TRMT11: variants seen among roughly 807,000 people sequenced by gnomAD.
TRMT11 encodes the protein tRNA (guanine(10)-N(2))-methyltransferase TRMT11.
In TRMT11, 53 loss-of-function variants were observed where a neutral mutation model predicts 62.8. The ratio of observed to expected loss-of-function variants is 0.84; its 90% CI spans 0.68 to 1.06. The LOEUF is 1.06. TRMT11 is among the 50% of genes least tolerant of loss of function. The probability of loss-of-function intolerance (pLI) is 0.00; values close to 1 mark genes in which losing one functional copy is unlikely to be tolerated. For missense variants in TRMT11, 556 were observed against 553.4 expected, an observed-to-expected ratio of 1.00 and a Z score of -0.05; for synonymous variants, 188 against 190.3, an observed-to-expected ratio of 0.99 and a Z score of 0.10.
chr6:126,019,451 G>A (rs116698033), intron 11 of TRMT11, among the ~76,000 whole-genome samples: 71 of 151,970 alleles, frequency 4.7e-4, no homozygotes, highest in African/African-American at 1.6e-3. Flanking sequence ...TTGCTTTTTG[G>A]GTTTTATAGT....
At chr6:126,186,298 T>A (rs1303520474) in intron 1 of TRMT11, among the ~76,000 whole-genome samples, 1 of 152,208 alleles carries the variant, frequency 6.6e-6, no homozygotes, top group Non-Finnish European at 1.5e-5. Flanking sequence ...TTTGTTTGAT[T>A]TTATCTAAAT....
intron 1 of TRMT11, among the ~76,000 whole-genome samples, chr6:126,185,301 C>T (rs1204243744): frequency 6.6e-6 from 1 of 152,154 alleles, no homozygotes; most frequent in African/African-American, 2.4e-5. Flanking sequence ...CAGTCTTCTC[C>T]AGGAAGCCAT....
chr6:126,105,774 G>GCACAACC (rs1361951861), intron 17 of TRMT11, among the ~76,000 whole-genome samples: 1 of 152,116 alleles, frequency 6.6e-6, no homozygotes, highest in Non-Finnish European at 1.5e-5. Context: ...TAAGGGGAAA[G>GCACAACC]CACAACCATG....
the TRMT11 span, chr6:126,257,871 C>T: frequency 2.9e-5 from 38 of 1,314,018 alleles, no homozygotes; most frequent in South Asian, 4.7e-5. Flanking sequence ...GCTATGAGGT[C>T]GGGGGGACAG....
chr6:126,208,755 C>T (rs1778812929), downstream of TRMT11, among the ~76,000 whole-genome samples: 1 of 152,214 alleles, frequency 6.6e-6, no homozygotes, highest in Non-Finnish European at 1.5e-5. Flanking sequence ...TTCTCAATCA[C>T]ATAGTTGTTG....
chr6:126,163,757 G>A (rs904018993), intron 21 of TRMT11, among the ~76,000 whole-genome samples: 15 of 151,294 alleles, frequency 9.9e-5, no homozygotes, highest in Non-Finnish European at 2.2e-4. Flanking sequence ...TCACTTCTAT[G>A]CATAGAGGTG....
chr6:126,158,569 G>A (rs575749275), intron 21 of TRMT11, among the ~76,000 whole-genome samples: 1 of 152,194 alleles, frequency 6.6e-6, no homozygotes, highest in South Asian at 2.1e-4. Context: ...TCATGCTCTG[G>A]ATCCTTATGG....
the TRMT11 span, among the ~76,000 whole-genome samples, chr6:126,242,632 C>T: frequency 3.6e-4 from 55 of 152,174 alleles, no homozygotes; most frequent in Admixed American, 3.6e-3. Flanking sequence ...TAATGCCACA[C>T]ATCTACAACT....
At chr6:126,018,966 C>CTCT (rs1278147948) in intron 11 of TRMT11, among the ~76,000 whole-genome samples, 23 of 152,114 alleles carry the variant, frequency 1.5e-4, no homozygotes, top group African/African-American at 5.6e-4. Flanking sequence ...CTACAACCTC[C>CTCT]ACCTCCCAGG....
chr6:126,135,884 T>A (rs1777844047), intron 21 of TRMT11, among the ~76,000 whole-genome samples: 1 of 151,696 alleles, frequency 6.6e-6, no homozygotes, highest in Admixed American at 6.6e-5. Context: ...AAGGACAAAA[T>A]CCATGTGATA....
At chr6:126,148,120 T>G (rs963658622) in intron 21 of TRMT11, among the ~76,000 whole-genome samples, 2 of 152,130 alleles carry the variant, frequency 1.3e-5, no homozygotes, top group Non-Finnish European at 2.9e-5. Context: ...AAATAATATT[T>G]AGCTATTTGT....
chr6:126,223,376 G>A, the TRMT11 span, among the ~76,000 whole-genome samples: 18 of 152,138 alleles, frequency 1.2e-4, no homozygotes, highest in East Asian at 3.9e-4. Flanking sequence ...AGCCAAGATC[G>A]CGTCACTGCA....
intron 11 of TRMT11, among the ~76,000 whole-genome samples, chr6:126,018,325 CA>C (rs1238178100): frequency 6.6e-6 from 1 of 152,050 alleles, no homozygotes; most frequent in African/African-American, 2.4e-5. Flanking sequence ...AGTAAATGTT[CA>C]ATCAATGCAA....
At chr6:126,009,719 A>G (rs1357289077) in intron 8 of TRMT11, among the ~76,000 whole-genome samples, 1 of 152,122 alleles carries the variant, frequency 6.6e-6, no homozygotes, top group Non-Finnish European at 1.5e-5. Flanking sequence ...ATGGGCTAGC[A>G]AGAAAAAGAT....
intron 11 of TRMT11, among the ~76,000 whole-genome samples, chr6:126,020,778 A>G (rs1267148745): frequency 6.6e-6 from 1 of 152,238 alleles, no homozygotes; most frequent in Non-Finnish European, 1.5e-5. Flanking sequence ...TCGGGAATTT[A>G]TAAAAATCTA....
At chr6:126,139,717 ATG>A (rs1777893758) in intron 21 of TRMT11, among the ~76,000 whole-genome samples, 1 of 151,824 alleles carries the variant, frequency 6.6e-6, no homozygotes, top group African/African-American at 2.4e-5. Flanking sequence ...GTTTTTTTTG[ATG>A]TGTGTGTTTT....
chr6:126,264,503 G>A, the TRMT11 span, among the ~76,000 whole-genome samples: 1 of 152,258 alleles, frequency 6.6e-6, no homozygotes, highest in East Asian at 1.9e-4. Context: ...TTAGTGTGAT[G>A]GCTAATTTTA....
At chr6:126,023,025 G>A (rs541146985) in intron 12 of TRMT11, among the ~76,000 whole-genome samples, 1 of 152,080 alleles carries the variant, frequency 6.6e-6, no homozygotes, top group Non-Finnish European at 1.5e-5. Flanking sequence ...TTATTAATCA[G>A]TTATTTTGTT....
chr6:126,086,778 CTT>C (rs1777221812), intron 17 of TRMT11, among the ~76,000 whole-genome samples: 1 of 152,066 alleles, frequency 6.6e-6, no homozygotes. Context: ...CATCACGTGA[CTT>C]TAAGTATTTG....
Sources: gnomAD v4.1 joint callset for allele counts (sites outside exome capture counted in the v4.1 genomes callset) on GRCh38, gnomAD v4.1.1 for gene constraint, MANE v1.5 for transcripts, NCBI Gene and HGNC (gene_info 2026-07-23, HGNC 2026-07-21) for gene names.